DGKG: variants seen among roughly 807,000 people sequenced by gnomAD.
DGKG encodes diacylglycerol kinase gamma, also known as DAG kinase gamma.
In DGKG, 78 loss-of-function variants were observed where a neutral mutation model predicts 105.3. The observed-to-expected ratio is 0.74, with a 90% CI of 0.62 to 0.89. DGKG has a LOEUF of 0.89. Among genes scored for constraint, DGKG ranks in the 40% least tolerant of loss-of-function variants. The pLI is 0.00. For missense variants in DGKG, 958 were observed against 1,020.1 expected (o/e 0.94, Z 0.83); for synonymous variants, 346 against 367.1 (o/e 0.94, Z 0.66).
At chr3:186,294,550 A>C (rs1723457786) in intron 5 of DGKG, among the ~76,000 whole-genome samples, 2 of 151,958 alleles carry the variant, frequency 1.3e-5, no homozygotes, top group South Asian at 4.2e-4. Flanking sequence ...AAAAAAAAAA[A>C]AAAAAAGTCT....
chr3:186,254,975 G>C (rs1721395672), intron 17 of DGKG, among the ~76,000 whole-genome samples: 1 of 152,188 alleles, frequency 6.6e-6, no homozygotes, highest in East Asian at 1.9e-4. Flanking sequence ...CCGTTCTCAA[G>C]TGTTTTCACT....
In DGKG at chr3:186,149,693, G is replaced by A. The variant is rs1578589976; in HGVS notation, c.*397C>T. The A allele has an allele frequency of 3.0e-6, 3 of 1,005,680 alleles. No individual in the cohort carries two copies. In the Admixed American group the frequency reaches 1.7e-4, roughly 57 times the overall value. The allele number at this position is 1,005,680 out of a possible 1,614,324, so 62.3% of individuals were successfully genotyped here. ...TTGGCCACATCTGATCTCACCATAG[G>A]CAGGAAACCTGCAGCCTGCTCCTCG... On this transcript the variant is annotated 3_prime_UTR_variant, in exon 25 of 25. Transcript: ENST00000265022.
At chr3:186,257,746 A>G in intron 17 of DGKG, 108 bp downstream of exon 17, 1 of 820,354 alleles carries the variant, frequency 1.2e-6, no homozygotes, top group Non-Finnish European at 2.1e-6. Context: ...GGAAGATACA[A>G]GGATGAACAG....
intron 21 of DGKG, among the ~76,000 whole-genome samples, chr3:186,208,930 G>A (rs1560095931): frequency 1.3e-5 from 2 of 152,116 alleles, no homozygotes; most frequent in African/African-American, 4.8e-5. Flanking sequence ...CAGCAATGAA[G>A]TTTTGGTTGA....
intron 20 of DGKG, among the ~76,000 whole-genome samples, chr3:186,233,629 A>T (rs4686414): frequency 6.6e-6 from 1 of 151,886 alleles, no homozygotes; most frequent in South Asian, 2.1e-4. Context: ...ACAGGCGCCC[A>T]CCACCACGCC....
At chr3:186,254,679 G>C (rs1001403398) in intron 17 of DGKG, among the ~76,000 whole-genome samples, 1 of 151,808 alleles carries the variant, frequency 6.6e-6, no homozygotes, top group Admixed American at 6.6e-5. Flanking sequence ...CCATGGTGAT[G>C]CCTGAGTGCA....
intron 2 of DGKG, among the ~76,000 whole-genome samples, chr3:186,317,997 G>C (rs1440391329): frequency 1.3e-5 from 2 of 152,082 alleles, no homozygotes; most frequent in African/African-American, 4.8e-5. Flanking sequence ...GCTTCCTTTT[G>C]TTGTACGTGC....
chr3:186,230,542 T>A (rs1440103590), intron 20 of DGKG, among the ~76,000 whole-genome samples: 5 of 151,946 alleles, frequency 3.3e-5, no homozygotes, highest in African/African-American at 1.2e-4. Context: ...TAAAGGGCGC[T>A]AAATGCAAGC....
At chr3:186,164,459 G>A (rs1187781444) in intron 23 of DGKG, among the ~76,000 whole-genome samples, 2 of 152,200 alleles carry the variant, frequency 1.3e-5, no homozygotes, top group South Asian at 2.1e-4. Context: ...ATACAAAGGT[G>A]TATAGGAAAT....
At chr3:186,170,293 G>C (rs1239685134) in intron 22 of DGKG, among the ~76,000 whole-genome samples, 1 of 152,252 alleles carries the variant, frequency 6.6e-6, no homozygotes, top group African/African-American at 2.4e-5. Flanking sequence ...ACTGGGCTAA[G>C]TTATTGGGTG....
intron 22 of DGKG, among the ~76,000 whole-genome samples, chr3:186,171,966 C>A (rs1716843959): frequency 2.0e-5 from 3 of 152,082 alleles, no homozygotes; most frequent in African/African-American, 7.2e-5. Flanking sequence ...AGAGATTCTC[C>A]CACCTCAGCC....
At chr3:186,261,194 T>C (rs551166542) in intron 15 of DGKG, among the ~76,000 whole-genome samples, 16 of 152,318 alleles carry the variant, frequency 1.1e-4, no homozygotes, top group Non-Finnish European at 2.1e-4. Context: ...GATCCCGGAA[T>C]TGGGAGGCAG....
intron 24 of DGKG, among the ~76,000 whole-genome samples, chr3:186,157,548 G>A (rs1205433059): frequency 2.0e-5 from 3 of 152,118 alleles, no homozygotes; most frequent in Non-Finnish European, 4.4e-5. Context: ...TTTCCTAGTA[G>A]TATGGAAGAT....
At chr3:186,272,948 C>T (rs1490592116) in intron 10 of DGKG, among the ~76,000 whole-genome samples, 5 of 152,078 alleles carry the variant, frequency 3.3e-5, no homozygotes, top group Middle Eastern at 3.2e-3. Context: ...AGGCTGGTCT[C>T]GAACTCCTGA....
intron 24 of DGKG, among the ~76,000 whole-genome samples, chr3:186,153,161 A>G (rs930088402): frequency 6.6e-6 from 1 of 152,032 alleles, no homozygotes; most frequent in Non-Finnish European, 1.5e-5. Flanking sequence ...TGGGTAACAT[A>G]ATATTTTGGT....
chr3:186,293,807 C>T (rs1173672935), intron 5 of DGKG, among the ~76,000 whole-genome samples: 1 of 152,206 alleles, frequency 6.6e-6, no homozygotes, highest in African/African-American at 2.4e-5. Flanking sequence ...GAGTCCAGGG[C>T]TTGGCTCTTC....
rs796988672 is a variant in DGKG, at chr3:186,149,007, C to T, written c.*1083G>A. 2.5e-5 allele frequency: 23 copies of T among 925,048 alleles called. 1 individual carries two copies. The highest frequency in any genetic ancestry group is 2.0e-4 in the South Asian group (4 of 20,096). The allele number at this position is 925,048 out of a possible 1,614,324, so 57.3% of individuals were successfully genotyped here. ...TATAGGCTAAATATATATATATACACGCACACACACACACACACGCGCGCA... is the reference window on the plus strand; with the variant it reads ...TATAGGCTAAATATATATATATACATGCACACACACACACACACGCGCGCA... On this transcript the variant is annotated 3_prime_UTR_variant, in exon 25 of 25. Transcript: ENST00000265022.
Position 186,284,775 on chromosome 3 carries a change from T to C in DGKG, c.545-66A>G. Reference sequence around the variant, plus strand: ...GAAGCGCGGATGGCTGAAGTTTTGATGCTGCCAGGTTTTTAGATTAGTTCT... The same window carrying C: ...GAAGCGCGGATGGCTGAAGTTTTGACGCTGCCAGGTTTTTAGATTAGTTCT... On this transcript the variant is annotated intron_variant, in intron 6 of 24. Coordinates refer to ENST00000265022, the MANE Select transcript of DGKG (RefSeq NM_001346.3). This position sits in a 1 kb window ranked among gnomAD's most constrained non-coding sequence, Gnocchi z 4.0. 4 of 1,354,810 alleles carry C rather than the reference T, an allele frequency of 3.0e-6. No individual in the cohort carries two copies. Among genetic ancestry groups the C allele is most frequent in the Non-Finnish European group, 4.2e-6 (4 of 945,762 alleles). 83.9% of individuals were successfully genotyped at this position (1,354,810 alleles called of 1,614,324 possible). A position where few individuals can be genotyped will look rare whatever the true frequency, so the allele number is the denominator to read the frequency against.
intron 20 of DGKG, among the ~76,000 whole-genome samples, chr3:186,214,791 T>C (rs1719198426): frequency 6.6e-6 from 1 of 152,122 alleles, no homozygotes; most frequent in Non-Finnish European, 1.5e-5. Context: ...GTGTGCCTGG[T>C]ACAACAAAGA....
Sources: allele counts gnomAD v4.1 joint callset (sites outside exome capture counted in the v4.1 genomes callset), GRCh38; gene constraint gnomAD v4.1.1; non-coding constraint Gnocchi (gnomAD v3.1); transcripts MANE v1.5; gene names NCBI Gene and HGNC (gene_info 2026-07-23, HGNC 2026-07-21).